Variants in CHD6 observed in about 807,000 individuals in gnomAD.
The protein encoded by CHD6 is chromodomain helicase DNA binding protein 6, also known as ATP-dependent chromatin remodeler CHD6.
In CHD6, 50 loss-of-function variants were observed where a neutral mutation model predicts 276.9. The observed-to-expected ratio is 0.18, with a 90% confidence interval of 0.14 to 0.23. The LOEUF is 0.23. CHD6 is among the 10% of genes least tolerant of loss of function. The probability of loss-of-function intolerance (pLI) is 1.00; values close to 1 mark genes in which losing one functional copy is unlikely to be tolerated. For synonymous variants in CHD6, 1,173 were observed against 1,229.3 expected (o/e 0.95, Z 0.96); for missense variants, 2,564 against 3,365.8 (o/e 0.76, Z 5.89).
rs2044740853 is a variant in CHD6 at position 41,533,403 on chromosome 20, T to C, written c.201A>G (p.Glu67=). ...PQKDLYTAEE[E]AATLFPRKMT... Reference sequence around the variant, plus strand: ...TTTTCCTAGGAAAAAGGGTAGCAGCTTCCTCTTCAGCAGTATACAGGTCCT... The same window carrying C: ...TTTTCCTAGGAAAAAGGGTAGCAGCCTCCTCTTCAGCAGTATACAGGTCCT... The change falls in exon 3 of 37, where the codon GAA becomes GAG. Residue 67 remains glutamate (E), a synonymous_variant. Transcript: ENST00000373233. 6.2e-7 allele frequency: 1 copy of C among 1,613,996 alleles called. No individual in the cohort carries two copies. Among genetic ancestry groups the C allele is most frequent in the African/African-American group, 1.3e-5 (1 of 74,900 alleles).
chr20:41,412,304 C>T (rs988296309), intron 35 of CHD6, 41 bp from the exon 36 acceptor site: 1 of 1,609,512 alleles, frequency 6.2e-7, no homozygotes, highest in Non-Finnish European at 8.5e-7. Flanking sequence ...AACATGCTAT[C>T]CCAGATTCTT....
At position 41,530,340 on chromosome 20, in the gene CHD6, C is replaced by T. The variant is rs574883794; in HGVS notation, c.554+2710G>A. 2.0e-5 allele frequency among the ~76,000 whole-genome samples: 3 copies of T among 152,318 alleles called. No individual in the cohort carries two copies. In the East Asian group the frequency reaches 5.8e-4, roughly 29 times the overall value. ...GGCTTCAGAAAGACTAGCCAGGTGG[C>T]AGCTGGCAAGATGGACTGAGGGAGG... On this transcript the variant is annotated intron_variant, in intron 3 of 36. Coordinates refer to ENST00000373233, the MANE Select transcript of CHD6 (RefSeq NM_032221.5).
chr20:41,574,386 T>G (rs4812528), intron 1 of CHD6, among the ~76,000 whole-genome samples: 19,691 of 152,180 alleles, frequency 0.13, 1,533 homozygotes, highest in East Asian at 0.18. Context: ...CTGGGATAAA[T>G]ATACCAGGTT....
chr20:41,573,941 A>G (rs999782770), intron 1 of CHD6, among the ~76,000 whole-genome samples: 3 of 152,174 alleles, frequency 2.0e-5, no homozygotes, highest in Non-Finnish European at 4.4e-5. Flanking sequence ...CTGGGCCTTT[A>G]GAGACCACAG....
chr20:41,549,330 C>T (rs536082051), intron 2 of CHD6, among the ~76,000 whole-genome samples: 2 of 150,922 alleles, frequency 1.3e-5, no homozygotes, highest in South Asian at 2.1e-4. Context: ...ATGATGAGTT[C>T]ATGTCCTTTG....
At chr20:41,450,657 G>A (rs1199317240) in intron 23 of CHD6, among the ~76,000 whole-genome samples, 1 of 152,202 alleles carries the variant, frequency 6.6e-6, no homozygotes, top group African/African-American at 2.4e-5. Flanking sequence ...AGGGGCAGAG[G>A]ATGACCTGAC....
chr20:41,456,070 TCCTC>T, intron 18 of CHD6, 91 bp from the exon 19 acceptor site: 5 of 1,239,336 alleles, frequency 4.0e-6, no homozygotes, highest in African/African-American at 1.5e-5. Flanking sequence ...AGTGCATAGT[TCCTC>T]CATGAACTAC....
At chr20:41,461,036 A>G (rs1427676203) in intron 17 of CHD6, among the ~76,000 whole-genome samples, 1 of 152,230 alleles carries the variant, frequency 6.6e-6, no homozygotes, top group Non-Finnish European at 1.5e-5. Context: ...AAAGGAGATC[A>G]TTTTGGAGCC....
intron 36 of CHD6, among the ~76,000 whole-genome samples, chr20:41,410,152 G>A (rs538865017): frequency 3.3e-5 from 5 of 152,294 alleles, no homozygotes; most frequent in African/African-American, 1.2e-4. Context: ...TAGGGTTTCC[G>A]CTATAAATGT....
intron 19 of CHD6, among the ~76,000 whole-genome samples, chr20:41,455,353 G>A (rs969599172): frequency 6.6e-6 from 1 of 152,186 alleles, no homozygotes; most frequent in African/African-American, 2.4e-5. Context: ...GAGGCACCCA[G>A]ACTAGAAGCT....
At position 41,478,069 on chromosome 20, in the gene CHD6, G is replaced by A. The variant is rs184409771; in HGVS notation, c.2469-4552C>T. Among the ~76,000 whole-genome samples, 482 of 152,280 alleles carry A rather than the reference G, an allele frequency of 3.2e-3. 1 individual carries two copies. Among genetic ancestry groups the A allele is most frequent in the African/African-American group, 0.011 (443 of 41,560 alleles). On this transcript the variant is annotated intron_variant, in intron 16 of 36. Coordinates refer to ENST00000373233, the MANE Select transcript of CHD6 (RefSeq NM_032221.5). ...GTCAAGTTTCCACCTATAGGCAGGG[G>A]AGAGTAAGAGGAACAGGACCTCAAA...
intron 1 of CHD6, among the ~76,000 whole-genome samples, chr20:41,557,231 G>A (rs2045249666): frequency 6.6e-6 from 1 of 152,222 alleles, no homozygotes; most frequent in Non-Finnish European, 1.5e-5. Flanking sequence ...GCTGCATTAT[G>A]TATGAGTGCT....
rs749617838 is a variant in CHD6 at position 41,452,957 on chromosome 20, G to GACT, written c.3121-18_3121-16dup. The GACT allele has an allele frequency of 5.6e-6, 9 of 1,605,552 alleles. No homozygotes were observed. The highest frequency in any genetic ancestry group is 7.7e-6 in the Non-Finnish European group (9 of 1,172,550). On this transcript the variant is annotated splice_polypyrimidine_tract_variant and intron_variant, in intron 20 of 36. Coordinates refer to ENST00000373233, the MANE Select transcript of CHD6 (RefSeq NM_032221.5). This position sits in a 1 kb window ranked among gnomAD's most constrained non-coding sequence, Gnocchi z 4.2. ...ACTAAGCTTTCCTAGAAATGGAGAG[G>GACT]ACTACTGGGAAGAAAGTCCTCTTTT...
chr20:41,409,518 T>G (rs1262249848), intron 36 of CHD6, among the ~76,000 whole-genome samples: 2 of 152,202 alleles, frequency 1.3e-5, no homozygotes, highest in African/African-American at 4.8e-5. Flanking sequence ...CTGGGTGGAC[T>G]TAAGAGAAGG....
At position 41,404,582 on chromosome 20, in the gene CHD6, T is replaced by C; in HGVS notation, c.*11A>G. ...TTACAAGTCACAATAATTTCTTAAA[T>C]GAAAAAAGTTCTAATTGGTGTCGTT... On this transcript the variant is annotated 3_prime_UTR_variant, in exon 37 of 37. Coordinates refer to ENST00000373233, the MANE Select transcript of CHD6 (RefSeq NM_032221.5). 1 of 1,469,468 alleles carries C rather than the reference T, an allele frequency of 6.8e-7. No individual in the cohort carries two copies. The highest frequency in any genetic ancestry group is 9.0e-7 in the Non-Finnish European group (1 of 1,107,992). 91.0% of individuals were successfully genotyped at this position (1,469,468 alleles called of 1,614,324 possible).
In CHD6 at chr20:41,405,068, G is replaced by A. The variant is rs760202675; in HGVS notation, c.7673C>T (p.Thr2558Met). 16 of 1,614,172 alleles carry A rather than the reference G, an allele frequency of 9.9e-6. No homozygotes were observed. The highest frequency in any genetic ancestry group is 4.4e-5 in the South Asian group (4 of 91,080). Residue 2558 changes from threonine (T) to methionine (M), a missense_variant, in exon 37 of 37, where the codon ACG becomes ATG. Thr to Met is a moderately conservative substitution (Grantham distance 81, BLOSUM62 -1). Coordinates refer to ENST00000373233, the MANE Select transcript of CHD6 (RefSeq NM_032221.5). ...TTCAGTCACTGCCGTACCACTTTTC[G>A]TTGTGCTTGATAGAGACGCCGGAGC... Reference protein sequence around the residue: ...STAPASLSSTTKSGTAVTEKT... With the variant: ...STAPASLSSTMKSGTAVTEKT...
rs2047742589 is a variant in CHD6 at position 41,437,340 on chromosome 20, T to C, written c.4008-6A>G. On this transcript the variant is annotated splice_polypyrimidine_tract_variant and splice_region_variant and intron_variant, in intron 26 of 36. Transcript: ENST00000373233. ...CTTCTTTATCTGTGTTGCCTCTAAA[T>C]AAAAGTAAAAAAAGGCATCACATAC... 1 of 1,608,716 alleles carries C rather than the reference T, an allele frequency of 6.2e-7. No individual in the cohort carries two copies. Among genetic ancestry groups the C allele is most frequent in the Non-Finnish European group, 8.5e-7 (1 of 1,177,760 alleles).
chr20:41,533,133 G>C lies in CHD6; in HGVS notation c.471C>G (p.Pro157=). ...CCTCCTTGGTGCCCGAGGCCTCCCGGGGCTTCCGTGCCTTCTTTGCCCCAT... is the reference window on the plus strand; with the variant it reads ...CCTCCTTGGTGCCCGAGGCCTCCCGCGGCTTCCGTGCCTTCTTTGCCCCAT... ...QKDGAKKARK[P]REASGTKEAK... Residue 157 remains proline (P), a synonymous_variant, in exon 3 of 37, where the codon CCC becomes CCG. Transcript: ENST00000373233. 6.2e-7 allele frequency: 1 copy of C among 1,614,186 alleles called. No individual in the cohort carries two copies.
Position 41,489,850 on chromosome 20 carries a change from G to A in CHD6, c.1608C>T (p.Ala536=). The part of the protein sequence containing the change: ...REFRTWTEMN[A]IVYHGSQISR... ...TGATCTGGCTGCCGTGGTACACAAT[G>A]GCATTCATCTCTGTCCATGTCCGGA... The change falls in exon 12 of 37, where the codon GCC becomes GCT. Residue 536 remains alanine (A), a synonymous_variant. Coordinates refer to ENST00000373233, the MANE Select transcript of CHD6 (RefSeq NM_032221.5). The A allele has an allele frequency of 1.9e-6, 3 of 1,613,960 alleles. No homozygotes were observed. Among genetic ancestry groups the A allele is most frequent in the Admixed American group, 1.7e-5 (1 of 60,010 alleles).
Sources: gnomAD v4.1 joint callset for allele counts (sites outside exome capture counted in the v4.1 genomes callset) on GRCh38, gnomAD v4.1.1 for gene constraint, Gnocchi (gnomAD v3.1) non-coding constraint, MANE v1.5 for transcripts, NCBI Gene and HGNC (gene_info 2026-07-23, HGNC 2026-07-21) for gene names.